The following ULK4 variants were observed in gnomAD, a reference collection of about 807,000 sequenced individuals.
The protein encoded by ULK4 is unc-51 like kinase 4.
A neutral mutation model predicts 160.6 loss-of-function variants in ULK4; 133 were observed. That is an observed-to-expected ratio of 0.83 (90% CI 0.72 to 0.96). The LOEUF is 0.96. Among genes scored for constraint, ULK4 ranks in the 40% least tolerant of loss-of-function variants. The pLI, the probability that ULK4 is intolerant of heterozygous loss-of-function variation, is 0.00. For synonymous variants in ULK4, 534 were observed against 539.8 expected, an observed-to-expected ratio of 0.99 and a Z score of 0.15; for missense variants, 1,580 against 1,499.5, an observed-to-expected ratio of 1.05 and a Z score of -0.89.
At chr3:41,404,960 A>G (rs889450609) in intron 34 of ULK4, among the ~76,000 whole-genome samples, 5 of 152,146 alleles carry the variant, frequency 3.3e-5, no homozygotes, top group African/African-American at 1.2e-4. Context: ...CTAATCATCT[A>G]TATTTTTAAA....
intron 35 of ULK4, among the ~76,000 whole-genome samples, chr3:41,313,490 C>T (rs1041586413): frequency 3.3e-5 from 5 of 152,032 alleles, no homozygotes; most frequent in African/African-American, 1.2e-4. Flanking sequence ...TTGATCTTCT[C>T]ATTTTTGCAT....
chr3:41,587,510 C>A (rs1389444238), intron 31 of ULK4, among the ~76,000 whole-genome samples: 2 of 152,070 alleles, frequency 1.3e-5, no homozygotes, highest in Non-Finnish European at 2.9e-5. Context: ...AATTTGACTC[C>A]ATGTAGATAT....
chr3:41,766,189 A>ATT (rs150684960), intron 21 of ULK4, among the ~76,000 whole-genome samples: 18,829 of 152,210 alleles, frequency 0.12, 1,344 homozygotes, highest in Middle Eastern at 0.27. Context: ...AATTGCTTGA[A>ATT]CCTGGGAGGC....
intron 30 of ULK4, among the ~76,000 whole-genome samples, chr3:41,631,736 C>CA (rs1410033470): frequency 6.6e-6 from 1 of 151,910 alleles, no homozygotes; most frequent in African/African-American, 2.4e-5. Flanking sequence ...ACAGAGAGTA[C>CA]AAAAGGAGAA....
chr3:41,521,153 T>C (rs1355273576), intron 32 of ULK4, among the ~76,000 whole-genome samples: 1 of 152,140 alleles, frequency 6.6e-6, no homozygotes, highest in Non-Finnish European at 1.5e-5. Flanking sequence ...GTGCCACACA[T>C]TCTACTGTTA....
At chr3:41,285,721 C>T (rs958587465) in intron 35 of ULK4, among the ~76,000 whole-genome samples, 2 of 152,110 alleles carry the variant, frequency 1.3e-5, no homozygotes, top group African/African-American at 4.8e-5. Context: ...ATCACCTGTA[C>T]CCCAATAACC....
intron 32 of ULK4, among the ~76,000 whole-genome samples, chr3:41,560,343 C>A (rs926012093): frequency 6.6e-6 from 1 of 152,122 alleles, no homozygotes; most frequent in Non-Finnish European, 1.5e-5. Context: ...CTTGGCAATG[C>A]GGGCTCTTTT....
chr3:41,411,571 G>T (rs190035541), intron 34 of ULK4, among the ~76,000 whole-genome samples: 275 of 151,894 alleles, frequency 1.8e-3, no homozygotes, highest in Non-Finnish European at 3.1e-3. Context: ...GGGACTACAG[G>T]GATTACAGGT....
intron 32 of ULK4, among the ~76,000 whole-genome samples, chr3:41,551,761 A>T: frequency 6.6e-6 from 1 of 151,982 alleles, no homozygotes; most frequent in East Asian, 1.9e-4. Flanking sequence ...ATTACCCCCA[A>T]CTCATTCTAC....
At position 41,814,349 on chromosome 3, in the gene ULK4, GT is replaced by G. The variant is rs990517427; in HGVS notation, c.1848+5073del. On this transcript the variant is annotated intron_variant, in intron 19 of 36. Coordinates refer to ENST00000301831, the MANE Select transcript of ULK4 (RefSeq NM_017886.4). ...TTCTGGCCTTTTACTTTTTATTATT[GT>G]TTTTAGTTTAATGAGATTATGGTTA... Among the ~76,000 whole-genome samples, 378 of 151,968 alleles carry G rather than the reference GT, an allele frequency of 2.5e-3. 2 individuals are homozygous for G. Among genetic ancestry groups the G allele is most frequent in the African/African-American group, 8.4e-3 (350 of 41,424 alleles).
chr3:41,368,304 CT>C (rs1489842440), intron 35 of ULK4, among the ~76,000 whole-genome samples: 15 of 152,144 alleles, frequency 9.9e-5, no homozygotes, highest in Admixed American at 3.9e-4. Flanking sequence ...CCAACTCGGC[CT>C]CCCAAAGTGC....
chr3:41,950,977 T>C (rs1252580534), intron 2 of ULK4, among the ~76,000 whole-genome samples: 10 of 151,340 alleles, frequency 6.6e-5, no homozygotes, highest in African/African-American at 2.4e-4. Context: ...ACCTCATCTC[T>C]ACTAAAAATA....
At chr3:41,765,236 T>C (rs1171416358) in intron 21 of ULK4, among the ~76,000 whole-genome samples, 1 of 152,076 alleles carries the variant, frequency 6.6e-6, no homozygotes, top group African/African-American at 2.4e-5. Flanking sequence ...CCATAAAAAA[T>C]GATGAGTTCA....
At chr3:41,361,467 C>G (rs1415042919) in intron 35 of ULK4, among the ~76,000 whole-genome samples, 1 of 152,156 alleles carries the variant, frequency 6.6e-6, no homozygotes, top group African/African-American at 2.4e-5. Context: ...TCAGGCCTGA[C>G]AGTGGGCCAT....
chr3:41,912,284 G>A (rs1206729223), intron 9 of ULK4, among the ~76,000 whole-genome samples: 1 of 142,726 alleles, frequency 7.0e-6, no homozygotes, highest in Non-Finnish European at 1.5e-5. Context: ...CACCATGATT[G>A]TACCACTACA....
intron 22 of ULK4, among the ~76,000 whole-genome samples, chr3:41,746,298 C>G (rs1369113046): frequency 1.0e-5 from 1 of 95,310 alleles, no homozygotes; most frequent in African/African-American, 7.6e-5. Flanking sequence ...AAAAAAAAAC[C>G]ACCTACAACT....
At chr3:41,404,843 A>T (rs961100014) in intron 34 of ULK4, among the ~76,000 whole-genome samples, 2 of 152,206 alleles carry the variant, frequency 1.3e-5, no homozygotes, top group African/African-American at 4.8e-5. Flanking sequence ...CAGCTACCTG[A>T]TTCAGACTTC....
At chr3:41,873,554 G>A (rs1053429345) in intron 17 of ULK4, among the ~76,000 whole-genome samples, 1 of 151,812 alleles carries the variant, frequency 6.6e-6, no homozygotes, top group African/African-American at 2.4e-5. Flanking sequence ...TTTTGTGTTT[G>A]TTTTGTTTTT....
intron 35 of ULK4, among the ~76,000 whole-genome samples, chr3:41,311,957 C>T (rs779903755): frequency 4.9e-5 from 6 of 122,152 alleles, no homozygotes; most frequent in Non-Finnish European, 7.9e-5. Flanking sequence ...TCTTCTAACA[C>T]ACATTTATTT....
Sources: gnomAD v4.1 joint callset for allele counts (sites outside exome capture counted in the v4.1 genomes callset) on GRCh38, gnomAD v4.1.1 for gene constraint, MANE v1.5 for transcripts, NCBI Gene and HGNC (gene_info 2026-07-23, HGNC 2026-07-21) for gene names.